The following RAI1 variants were observed in gnomAD, a reference collection of about 807,000 sequenced individuals.
RAI1 encodes the protein retinoic acid-induced protein 1.
A neutral mutation model predicts 123.8 loss-of-function variants in RAI1; 9 were observed. That is an observed-to-expected ratio of 0.07 (90% CI 0.04 to 0.13). The LOEUF (loss-of-function observed/expected upper bound fraction) is 0.13. Ranked by LOEUF, RAI1 falls within the 10% of genes least tolerant of loss-of-function variation. The pLI is 1.00. For synonymous variants in RAI1, 1,231 were observed against 1,127.3 expected (o/e 1.09, Z -1.84); for missense variants, 2,256 against 2,545.8 (o/e 0.89, Z 2.45).
intron 1 of RAI1, among the ~76,000 whole-genome samples, chr17:17,692,133 T>G (rs1280882586): frequency 1.3e-5 from 2 of 152,188 alleles, no homozygotes; most frequent in Non-Finnish European, 2.9e-5. Context: ...GGGGTGACAC[T>G]GTCCCCTGGG....
At chr17:17,766,168 G>C (rs528602067) in intron 2 of RAI1, 1 of 152,236 alleles carries the variant, frequency 6.6e-6, no homozygotes, top group Non-Finnish European at 1.5e-5. Flanking sequence ...GGGCTGTTGG[G>C]TTTTGTTTTT....
chr17:17,795,780 C>T lies in RAI1; in HGVS notation c.2832C>T (p.Ser944=). ...TESKVQSWFE[S]SLSHMKPGEE... is the part of the protein sequence containing the mutation. Reference sequence around the variant, plus strand: ...CAAAGGTCCAGAGCTGGTTTGAGTCCTCTCTGTCACACATGAAGCCAGGTG... The same window carrying T: ...CAAAGGTCCAGAGCTGGTTTGAGTCTTCTCTGTCACACATGAAGCCAGGTG... Residue 944 remains serine (S), a synonymous_variant, in exon 3 of 6, where the codon TCC becomes TCT. Transcript: ENST00000353383. This position sits in a 1 kb window ranked among gnomAD's most constrained non-coding sequence, Gnocchi z 5.9. 2 of 1,613,646 alleles carry T rather than the reference C, an allele frequency of 1.2e-6. No individual in the cohort carries two copies. Among genetic ancestry groups the T allele is most frequent in the South Asian group, 1.1e-5 (1 of 91,088 alleles).
intron 2 of RAI1, among the ~76,000 whole-genome samples, chr17:17,741,089 G>GCACACACA (rs1443643563): frequency 4.0e-5 from 6 of 149,568 alleles, no homozygotes; most frequent in African/African-American, 1.5e-4. Flanking sequence ...ACAAGCGCGC[G>GCACACACA]CGCACACACA....
chr17:17,737,382 C>A (rs1309652395), intron 2 of RAI1, among the ~76,000 whole-genome samples: 4 of 152,122 alleles, frequency 2.6e-5, no homozygotes, highest in African/African-American at 9.7e-5. Context: ...GCAGAGTGGG[C>A]TTCTGAGGAA....
At chr17:17,789,163 C>A (rs1395286762) in intron 2 of RAI1, among the ~76,000 whole-genome samples, 2 of 152,248 alleles carry the variant, frequency 1.3e-5, no homozygotes, top group Non-Finnish European at 2.9e-5. Context: ...CTCACGGGGG[C>A]TCAGGACAGG....
rs1479421846 is a variant in RAI1 at position 17,800,254 on chromosome 17, G to C, written c.5565+1741G>C. ...ATTACTGGCTCCTTCCCAGCGCCTT[G>C]AAACAGGTTCAAGTCTCTCCCGTCA... On this transcript the variant is annotated intron_variant, in intron 3 of 5. Transcript: ENST00000353383. The surrounding 1 kb of genome is among the most constrained non-coding windows in gnomAD (Gnocchi z 4.7). Among the ~76,000 whole-genome samples the C allele has an allele frequency of 7.1e-6, 1 of 141,094 alleles. No individual in the cohort carries two copies. The highest frequency in any genetic ancestry group is 1.5e-5 in the Non-Finnish European group (1 of 65,398). 92.6% of individuals were successfully genotyped at this position (141,094 alleles called of 152,430 possible). A position where few individuals can be genotyped will look rare whatever the true frequency, so the allele number is the denominator to read the frequency against.
At chr17:17,750,709 A>G (rs534806663) in intron 2 of RAI1, among the ~76,000 whole-genome samples, 129 of 151,480 alleles carry the variant, frequency 8.5e-4, no homozygotes, top group South Asian at 3.1e-3. Context: ...AAAAAAAAAA[A>G]AAAAGAAAAG....
At chr17:17,748,401 GAGA>G (rs927050741) in intron 2 of RAI1, among the ~76,000 whole-genome samples, 4 of 152,218 alleles carry the variant, frequency 2.6e-5, no homozygotes, top group African/African-American at 9.7e-5. Context: ...GTGCTGCTCC[GAGA>G]AGGTTGATTG....
chr17:17,796,416 C>T lies in RAI1; in HGVS notation c.3468C>T (p.Phe1156=), dbSNP rs776165956. The change falls in exon 3 of 6, where the codon TTC becomes TTT. Residue 1156 remains phenylalanine (F), a synonymous_variant. Coordinates refer to ENST00000353383, the MANE Select transcript of RAI1 (RefSeq NM_030665.4). The surrounding 1 kb of genome is among the most constrained non-coding windows in gnomAD (Gnocchi z 5.8). ...LRSRTKTQEI[F]HSKRRRPSEG... The stretch of plus-strand genomic sequence containing the variant: ...CACGCACCAAAACCCAGGAGATCTT[C>T]CACTCCAAGCGGCGGAGGCCCTCTG... The T allele has an allele frequency of 5.0e-6, 8 of 1,613,584 alleles. No individual in the cohort carries two copies. The highest frequency in any genetic ancestry group is 1.6e-4 in the Middle Eastern group (1 of 6,062).
rs1400244130 is a variant in RAI1, at chr17:17,714,930, C to T, written c.-148-9098C>T. Among the ~76,000 whole-genome samples the T allele has an allele frequency of 1.2e-4, 19 of 152,228 alleles. No homozygotes were observed. Among genetic ancestry groups the T allele is most frequent in the Admixed American group, 1.2e-3 (19 of 15,286 alleles). ...TTGGGGAGAGAGGTAGTAATGTCGC[C>T]TTCCACCTCATGGACTTCCCAGTTT... On this transcript the variant is annotated intron_variant, in intron 1 of 5. Transcript: ENST00000353383. The surrounding 1 kb of genome is among the most constrained non-coding windows in gnomAD (Gnocchi z 4.9).
chr17:17,797,531 A>G lies in RAI1; in HGVS notation c.4583A>G (p.His1528Arg). The G allele has an allele frequency of 6.2e-7, 1 of 1,613,990 alleles. No individual in the cohort carries two copies. The highest frequency in any genetic ancestry group is 8.5e-7 in the Non-Finnish European group (1 of 1,179,954). Reference sequence around the variant, plus strand: ...ACAAGGGCACAGAAACAGCCAGGCCACACCAACTACAGCAGCTATTCCAAG... The same window carrying G: ...ACAAGGGCACAGAAACAGCCAGGCCGCACCAACTACAGCAGCTATTCCAAG... ...PQTRAQKQPG[H>R]TNYSSYSKRK... The change falls in exon 3 of 6, where the codon CAC (histidine) becomes CGC (arginine). Residue 1528 changes from histidine (H) to arginine (R), a missense_variant. His to Arg is a conservative substitution (Grantham distance 29). Around this residue, in one of 7 missense-constraint regions of RAI1, gnomAD observed 410 missense variants for 374.6 expected, o/e 1.09. Transcript: ENST00000353383.
intron 1 of RAI1, among the ~76,000 whole-genome samples, chr17:17,696,486 TGA>T (rs1915041509): frequency 6.6e-6 from 1 of 152,206 alleles, no homozygotes; most frequent in Non-Finnish European, 1.5e-5. Context: ...ATATAGCAGT[TGA>T]TATTCCGCTT....
rs538335254 is a variant in RAI1, at chr17:17,748,859, ATCACTGGGGGCT to A, written c.-17+24704_-17+24715del. Among the ~76,000 whole-genome samples the A allele has an allele frequency of 9.2e-5, 14 of 152,236 alleles. No individual in the cohort carries two copies. The South Asian group carries it at 2.9e-3, about 32-fold the overall frequency. ...AGGGAGTGATGTGGTCCCGCTACAA[ATCACTGGGGGCT>A]TCAGCCCCTAATGGGACCTCCTCTA... On this transcript the variant is annotated intron_variant, in intron 2 of 5. Transcript: ENST00000353383.
rs2032677774 is a variant in RAI1, at chr17:17,809,733, CAG to C, written c.5710-234_5710-233del. 6.6e-6 allele frequency among the ~76,000 whole-genome samples: 1 copy of C among 152,128 alleles called. No homozygotes were observed. Among genetic ancestry groups the C allele is most frequent in the South Asian group, 2.1e-4 (1 of 4,834 alleles). ...CCCTGCAGCTCCCCAAGATAGGTGACAGAGTGGGGCAGGCGGGGGCGCGGGAC... is the reference window on the plus strand; with the variant it reads ...CCCTGCAGCTCCCCAAGATAGGTGACAGTGGGGCAGGCGGGGGCGCGGGAC... On this transcript the variant is annotated intron_variant, in intron 5 of 5. Coordinates refer to ENST00000353383, the MANE Select transcript of RAI1 (RefSeq NM_030665.4). The surrounding 1 kb of genome is among the most constrained non-coding windows in gnomAD (Gnocchi z 4.9).
intron 1 of RAI1, among the ~76,000 whole-genome samples, chr17:17,694,577 G>A (rs1430070133): frequency 6.6e-6 from 1 of 151,968 alleles, no homozygotes; most frequent in Non-Finnish European, 1.5e-5. Context: ...CTCGAGAAGG[G>A]GCGGCGAGAG....
intron 1 of RAI1, among the ~76,000 whole-genome samples, chr17:17,693,851 C>T (rs1914918917): frequency 6.6e-6 from 1 of 152,148 alleles, no homozygotes; most frequent in African/African-American, 2.4e-5. Flanking sequence ...TGGACCAGCC[C>T]GGGCTGGGCG....
Position 17,796,143 on chromosome 17 carries a change from G to T in RAI1, c.3195G>T (p.Glu1065Asp). The T allele has an allele frequency of 6.4e-7, 1 of 1,568,418 alleles. No individual in the cohort carries two copies. Among genetic ancestry groups the T allele is most frequent in the Non-Finnish European group, 8.7e-7 (1 of 1,155,234 alleles). Residue 1065 changes from glutamate to aspartate, a missense_variant, in exon 3 of 6, where the codon GAG becomes GAT. Transcript: ENST00000353383. The surrounding 1 kb of genome is among the most constrained non-coding windows in gnomAD (Gnocchi z 5.8). ...CTCGTTCTCTCACGGCCCTGAGTGA[G>T]CCCCGCACGCCCGGACCCCCAGGCC... ...MCTRSLTALSEPRTPGPPGLT... is the reference protein window; with the variant it reads ...MCTRSLTALSDPRTPGPPGLT...
chr17:17,747,977 T>C (rs2029992446), intron 2 of RAI1, among the ~76,000 whole-genome samples: 1 of 152,112 alleles, frequency 6.6e-6, no homozygotes, highest in Non-Finnish European at 1.5e-5. Flanking sequence ...GGCTGGAAGA[T>C]CACTTGAGCC....
chr17:17,770,357 A>C (rs548702096), intron 2 of RAI1, among the ~76,000 whole-genome samples: 25 of 152,340 alleles, frequency 1.6e-4, no homozygotes, highest in Middle Eastern at 3.4e-3. Context: ...AGACATAAAC[A>C]GAGCTGTCAG....
Sources: allele counts gnomAD v4.1 joint callset (sites outside exome capture counted in the v4.1 genomes callset), GRCh38; gene constraint gnomAD v4.1.1; regional missense constraint gnomAD v4.1.1; non-coding constraint Gnocchi (gnomAD v3.1); transcripts MANE v1.5; gene names NCBI Gene and HGNC (gene_info 2026-07-23, HGNC 2026-07-21).